Variants in ADAMTS19 observed in about 807,000 individuals in gnomAD.
ADAMTS19 encodes the protein A disintegrin and metalloproteinase with thrombospondin motifs 19.
Under a neutral mutation model 153.3 loss-of-function variants are expected in ADAMTS19, and 93 were observed. The observed-to-expected ratio is 0.61, with a 90% confidence interval of 0.51 to 0.72. The LOEUF is 0.72. Among genes scored for constraint, ADAMTS19 ranks in the 30% least tolerant of loss-of-function variants. The pLI is 0.00. For missense variants in ADAMTS19, 1,482 were observed against 1,552.1 expected (o/e 0.95, Z 0.76); for synonymous variants, 600 against 556.6 (o/e 1.08, Z -1.10).
At chr5:129,676,251 GT>G (rs1299964340) in intron 16 of ADAMTS19, among the ~76,000 whole-genome samples, 1 of 152,088 alleles carries the variant, frequency 6.6e-6, no homozygotes, top group Non-Finnish European at 1.5e-5. Context: ...TGAGTATTGA[GT>G]TTCATTTTGC....
At position 129,548,175 on chromosome 5, in the gene ADAMTS19, G is replaced by T. The variant is rs1168774451; in HGVS notation, c.1329-3689G>T. 6.6e-5 allele frequency among the ~76,000 whole-genome samples: 10 copies of T among 150,474 alleles called. No homozygotes were observed. The South Asian group carries it at 1.9e-3, about 28-fold the overall frequency. On this transcript the variant is annotated intron_variant, in intron 6 of 22. Transcript: ENST00000274487. ...GCAACAAAAGCCAAAATTGACAAAT[G>T]GGATCTAATTAAACTAAAGAGCTTC...
At chr5:129,636,979 C>T (rs904382595) in intron 10 of ADAMTS19, among the ~76,000 whole-genome samples, 1 of 152,128 alleles carries the variant, frequency 6.6e-6, no homozygotes, top group Non-Finnish European at 1.5e-5. Context: ...TTTTAACCTT[C>T]AAACCTGAAT....
rs555010674 is a variant in ADAMTS19, at chr5:129,544,489, G to A, written c.1329-7375G>A. On this transcript the variant is annotated intron_variant, in intron 6 of 22. Transcript: ENST00000274487. ...TATGGTAGGTCACAGATTAAGTCCA[G>A]TTCTTTTAATTATGTGAGAATCTGG... is the stretch of plus-strand genomic sequence containing the variant. Among the ~76,000 whole-genome samples the A allele has an allele frequency of 2.6e-5, 4 of 152,246 alleles. 1 individual carries two copies. In the Middle Eastern group the frequency reaches 0.01, roughly 388 times the overall value.
chr5:129,611,028 G>C (rs182450997), intron 8 of ADAMTS19, among the ~76,000 whole-genome samples: 4,214 of 152,158 alleles, frequency 0.028, 66 homozygotes, highest in East Asian at 0.05. Flanking sequence ...ATTTGCATTT[G>C]TCTGATGGCC....
At chr5:129,572,793 G>A (rs1753960151) in intron 7 of ADAMTS19, among the ~76,000 whole-genome samples, 1 of 151,968 alleles carries the variant, frequency 6.6e-6, no homozygotes, top group Non-Finnish European at 1.5e-5. Flanking sequence ...ATAGCACAAA[G>A]AAGTTTTGGG....
chr5:129,625,659 T>C (rs997044192), intron 10 of ADAMTS19, among the ~76,000 whole-genome samples: 2 of 152,214 alleles, frequency 1.3e-5, no homozygotes, highest in Admixed American at 6.5e-5. Context: ...AAGTGTCTGG[T>C]CATATCCTTT....
chr5:129,573,677 C>A (rs919318772), intron 7 of ADAMTS19, among the ~76,000 whole-genome samples: 14 of 152,100 alleles, frequency 9.2e-5, no homozygotes, highest in African/African-American at 3.4e-4. Context: ...TAGGCACTGG[C>A]CAAAACCTAA....
chr5:129,649,460 G>A (rs2127044103), intron 13 of ADAMTS19, among the ~76,000 whole-genome samples: 1 of 152,228 alleles, frequency 6.6e-6, no homozygotes, highest in Middle Eastern at 3.4e-3. Context: ...ATCTCAAAAG[G>A]TCCCATGTTA....
At chr5:129,483,301 T>C (rs1258009342) in intron 2 of ADAMTS19, among the ~76,000 whole-genome samples, 1 of 152,220 alleles carries the variant, frequency 6.6e-6, no homozygotes, top group Non-Finnish European at 1.5e-5. Context: ...TGTTGCTTCA[T>C]ATTTAAAATG....
chr5:129,572,940 A>C (rs1753965339), intron 7 of ADAMTS19, among the ~76,000 whole-genome samples: 1 of 152,104 alleles, frequency 6.6e-6, no homozygotes, highest in Non-Finnish European at 1.5e-5. Flanking sequence ...AGAACAAAAC[A>C]AAAAAGAGTA....
At chr5:129,642,316 G>C (rs17673664) in intron 11 of ADAMTS19, among the ~76,000 whole-genome samples, 24 of 151,986 alleles carry the variant, frequency 1.6e-4, no homozygotes, top group Admixed American at 2.6e-4. Context: ...ATTGCCAATG[G>C]ATCTTTTCAA....
chr5:129,584,139 A>G (rs999812885), intron 7 of ADAMTS19, among the ~76,000 whole-genome samples: 1 of 151,970 alleles, frequency 6.6e-6, no homozygotes, highest in Non-Finnish European at 1.5e-5. Flanking sequence ...TTTCCCTTCT[A>G]ACAGTCAGGC....
At chr5:129,522,916 C>T (rs1375175557) in intron 3 of ADAMTS19, among the ~76,000 whole-genome samples, 1 of 151,882 alleles carries the variant, frequency 6.6e-6, no homozygotes. Flanking sequence ...ATTAGCTGGG[C>T]ATTGTGGTGC....
intron 7 of ADAMTS19, among the ~76,000 whole-genome samples, chr5:129,568,686 G>T (rs1433304805): frequency 6.6e-6 from 1 of 152,008 alleles, no homozygotes; most frequent in Non-Finnish European, 1.5e-5. Context: ...GCCAGGCATG[G>T]TATTGTGTTC....
intron 6 of ADAMTS19, among the ~76,000 whole-genome samples, chr5:129,546,031 A>C (rs903231613): frequency 6.7e-6 from 1 of 148,936 alleles, no homozygotes; most frequent in Non-Finnish European, 1.5e-5. Flanking sequence ...TGTGGCACAT[A>C]TACACCATGG....
chr5:129,595,611 C>G (rs1750336865), intron 7 of ADAMTS19, among the ~76,000 whole-genome samples: 1 of 152,008 alleles, frequency 6.6e-6, no homozygotes, highest in Admixed American at 6.6e-5. Flanking sequence ...ATTAAGTCCC[C>G]ATTCCATCAT....
rs200077052 is a variant in ADAMTS19, at chr5:129,579,952, G to GT, written c.1373-16601dup. 7.8e-3 allele frequency among the ~76,000 whole-genome samples: 1,181 copies of GT among 152,234 alleles called. 15 individuals carry two copies. Among genetic ancestry groups the GT allele is most frequent in the African/African-American group, 0.027 (1,133 of 41,556 alleles). On this transcript the variant is annotated intron_variant, in intron 7 of 22. Transcript: ENST00000274487. ...TTGGCTCCATATGAAATTCAAAGTA[G>GT]TTTTTTCTAATTCTGTGAAGAAAGT... is the stretch of plus-strand genomic sequence containing the variant.
At chr5:129,623,855 T>A (rs2126983496) in intron 10 of ADAMTS19, among the ~76,000 whole-genome samples, 1 of 145,832 alleles carries the variant, frequency 6.9e-6, no homozygotes, top group Admixed American at 7.0e-5. Flanking sequence ...GCGAGGTGGC[T>A]CACACCTGTA....
chr5:129,539,526 A>C (rs1250782951), intron 6 of ADAMTS19, among the ~76,000 whole-genome samples: 1 of 152,048 alleles, frequency 6.6e-6, no homozygotes, highest in Non-Finnish European at 1.5e-5. Flanking sequence ...TAAGCCACTA[A>C]GTTCATGGTA....
Sources: allele counts gnomAD v4.1 joint callset (sites outside exome capture counted in the v4.1 genomes callset), GRCh38; gene constraint gnomAD v4.1.1; transcripts MANE v1.5; gene names NCBI Gene and HGNC (gene_info 2026-07-23, HGNC 2026-07-21).